Variants in UBALD1 observed in about 807,000 individuals in gnomAD.
UBALD1 encodes UBA-like domain-containing protein 1.
UBALD1 carries 5 observed loss-of-function variants against 16.1 expected under a neutral mutation model. The ratio of observed to expected loss-of-function variants is 0.31; its 90% confidence interval spans 0.16 to 0.66. UBALD1 has a LOEUF of 0.66. Ranked by LOEUF, UBALD1 falls within the 30% of genes least tolerant of loss-of-function variation. The pLI, the probability that UBALD1 is intolerant of heterozygous loss-of-function variation, is 0.77. For synonymous variants in UBALD1, 146 were observed against 105.3 expected, an observed-to-expected ratio of 1.39 and a Z score of -2.37; for missense variants, 220 against 252.8, an observed-to-expected ratio of 0.87 and a Z score of 0.88.
At position 4,609,784 on chromosome 16, in the gene UBALD1, G is replaced by C; in HGVS notation, c.383C>G (p.Ala128Gly). The C allele has an allele frequency of 6.7e-7, 1 of 1,500,126 alleles. No individual in the cohort carries two copies. Among genetic ancestry groups the C allele is most frequent in the African/African-American group, 1.4e-5 (1 of 70,746 alleles). The allele number at this position is 1,500,126 out of a possible 1,614,324, so 92.9% of individuals were successfully genotyped here. A position where few individuals can be genotyped will look rare whatever the true frequency, so the allele number is the denominator to read the frequency against. ...SSAASSWPTA[A>G]SPPGGPQHHQ... ...GTGCTGTGGGCCCCCCGGGGGCGAG[G>C]CCGCCGTGGGCCAGCTGGAGGCCGC... The change falls in exon 3 of 3, where the codon GCC becomes GGC. Residue 128 changes from alanine (A) to glycine (G), a missense_variant. Ala to Gly is a moderately conservative substitution (Grantham distance 60). This residue lies in a region of UBALD1 where 151 missense variants were observed against 132.6 expected (regional missense o/e 1.14). Coordinates refer to ENST00000283474, the MANE Select transcript of UBALD1 (RefSeq NM_145253.3).
intron 1 of UBALD1, among the ~76,000 whole-genome samples, chr16:4,612,352 G>T (rs919730801): frequency 1.3e-5 from 2 of 151,998 alleles, no homozygotes; most frequent in African/African-American, 2.4e-5. Context: ...ATGAACCACC[G>T]TGCCCGGCAA....
chr16:4,610,925 A>C, intron 1 of UBALD1: 1 of 414,478 alleles, frequency 2.4e-6, no homozygotes, highest in Non-Finnish European at 4.2e-6. Flanking sequence ...AGGTAGCCCA[A>C]CCAGACCTCC....
At chr16:4,611,285 C>G (rs1464328996) in intron 1 of UBALD1, 2 of 152,430 alleles carry the variant, frequency 1.3e-5, no homozygotes, top group African/African-American at 2.4e-5. Context: ...ACTCGCTTCC[C>G]CACCTGAGCC....
chr16:4,610,003 G>C lies in UBALD1; in HGVS notation c.184-20C>G, dbSNP rs1006300490. 1.3e-6 allele frequency: 2 copies of C among 1,532,050 alleles called. No individual in the cohort carries two copies. The highest frequency in any genetic ancestry group is 1.8e-6 in the Non-Finnish European group (2 of 1,122,370). 94.9% of individuals were successfully genotyped at this position (1,532,050 alleles called of 1,614,324 possible). A position where few individuals can be genotyped will look rare whatever the true frequency, so the allele number is the denominator to read the frequency against. ...GCACATCTGTGAGGGGAAGAGAGGA[G>C]AGATGGGGTGAGCACCCCTTCCTGG... On this transcript the variant is annotated intron_variant, in intron 2 of 2. Transcript: ENST00000283474.
rs1368503942 is a variant in UBALD1, at chr16:4,614,815, C to G, written c.-18G>C. ...ACGGACATGGCGCCGCCGCGCTGCC[C>G]GCTCCGGCCTCCCTCCTCCGCCCGC... On this transcript the variant is annotated 5_prime_UTR_variant, in exon 1 of 3. Transcript: ENST00000283474. The G allele has an allele frequency of 6.7e-7, 1 of 1,493,872 alleles. No homozygotes were observed. The highest frequency in any genetic ancestry group is 1.4e-5 in the African/African-American group (1 of 69,024). The allele number at this position is 1,493,872 out of a possible 1,614,324, so 92.5% of individuals were successfully genotyped here.
chr16:4,612,279 G>T (rs1028417748), intron 1 of UBALD1, among the ~76,000 whole-genome samples: 1 of 152,074 alleles, frequency 6.6e-6, no homozygotes, highest in African/African-American at 2.4e-5. Flanking sequence ...GGCCAGGATG[G>T]TCTTGATCTC....
At chr16:4,610,940 C>T (rs1017389345) in intron 1 of UBALD1, 6 of 405,882 alleles carry the variant, frequency 1.5e-5, no homozygotes, top group Non-Finnish European at 2.6e-5. Context: ...ACCTCCCCAC[C>T]CTGCCCCGTT....
intron 1 of UBALD1, chr16:4,614,284 C>G (rs1897394303): frequency 2.8e-6 from 1 of 356,684 alleles, no homozygotes. Flanking sequence ...ACCACTCGCC[C>G]GGAGCGGCTC....
At position 4,609,789 on chromosome 16, in the gene UBALD1, CGTGGGCCAGCTGGAGGCCGCA is replaced by C; in HGVS notation, c.357_377del (p.Ser123_Ser129del). ...GTGGGCCCCCCGGGGGCGAGGCCGC[CGTGGGCCAGCTGGAGGCCGCA>C]GAGCTGCTGGTGGCGGCATGGGGGA... On this transcript the variant is annotated inframe_deletion, in exon 3 of 3. Coordinates refer to ENST00000283474, the MANE Select transcript of UBALD1 (RefSeq NM_145253.3). 6.7e-7 allele frequency: 1 copy of C among 1,501,770 alleles called. No individual in the cohort carries two copies. The highest frequency in any genetic ancestry group is 2.4e-5 in the East Asian group (1 of 42,072). The allele number at this position is 1,501,770 out of a possible 1,614,324, so 93.0% of individuals were successfully genotyped here.
In UBALD1 at chr16:4,609,532, A is replaced by AC; in HGVS notation, c.*100_*101insG. On this transcript the variant is annotated 3_prime_UTR_variant, in exon 3 of 3. Coordinates refer to ENST00000283474, the MANE Select transcript of UBALD1 (RefSeq NM_145253.3). ...CGCTCTCCCCTCCAGGGCTCCGGGG[A>AC]ACAAGGGGTGCAGACAGAAAAGGGG... 2.0e-6 allele frequency: 1 copy of AC among 504,954 alleles called. No homozygotes were observed. The highest frequency in any genetic ancestry group is 4.0e-5 in the Admixed American group (1 of 25,060). The allele number at this position is 504,954 out of a possible 1,614,324, so 31.3% of individuals were successfully genotyped here. A position where few individuals can be genotyped will look rare whatever the true frequency, so the allele number is the denominator to read the frequency against.
chr16:4,609,755 G>T lies in UBALD1; in HGVS notation c.412C>A (p.Gln138Lys). 1 of 1,505,578 alleles carries T rather than the reference G, an allele frequency of 6.6e-7. No homozygotes were observed. 93.3% of individuals were successfully genotyped at this position (1,505,578 alleles called of 1,614,324 possible). ...GGAGTCCACAGGGGCGGCTGTGGCTGGTGGTGCTGTGGGCCCCCCGGGGGC... is the reference window on the plus strand; with the variant it reads ...GGAGTCCACAGGGGCGGCTGTGGCTTGTGGTGCTGTGGGCCCCCCGGGGGC... Reference protein sequence around the residue: ...ASPPGGPQHHQPQPPLWTPTP... With the variant: ...ASPPGGPQHHKPQPPLWTPTP... The change falls in exon 3 of 3, where the codon CAG (glutamine) becomes AAG (lysine). Residue 138 changes from glutamine (Q) to lysine (K), a missense_variant. By Grantham distance (53) the Gln-to-Lys change is moderately conservative (BLOSUM62 1). Coordinates refer to ENST00000283474, the MANE Select transcript of UBALD1 (RefSeq NM_145253.3).
chr16:4,612,823 G>A (rs765715129), intron 1 of UBALD1, among the ~76,000 whole-genome samples: 2 of 152,024 alleles, frequency 1.3e-5, no homozygotes, highest in Admixed American at 6.5e-5. Flanking sequence ...CCTCCCTGGC[G>A]GCCCCCACTT....
chr16:4,610,292 C>T (rs1313922503), intron 2 of UBALD1: 1 of 718,154 alleles, frequency 1.4e-6, no homozygotes, highest in Non-Finnish European at 2.5e-6. Context: ...GCCAGCGCCC[C>T]CCAGGTCTCA....
chr16:4,612,952 C>G (rs1189450065), intron 1 of UBALD1, among the ~76,000 whole-genome samples: 10 of 152,250 alleles, frequency 6.6e-5, no homozygotes, highest in Admixed American at 4.6e-4. Context: ...TTTCCCCAGA[C>G]ATTGCACTCC....
chr16:4,613,689 G>A (rs1381416634), intron 1 of UBALD1, among the ~76,000 whole-genome samples: 1 of 152,180 alleles, frequency 6.6e-6, no homozygotes, highest in Non-Finnish European at 1.5e-5. Context: ...CTCATCCCCT[G>A]ATACCAACCA....
chr16:4,609,625 G>C lies in UBALD1; in HGVS notation c.*8C>G. ...GTCCTGGCCTCCGGGAGGGGGGAGGGGCCTCCCTTATCTCTCTGCCTCCAT... is the reference window on the plus strand; with the variant it reads ...GTCCTGGCCTCCGGGAGGGGGGAGGCGCCTCCCTTATCTCTCTGCCTCCAT... On this transcript the variant is annotated 3_prime_UTR_variant, in exon 3 of 3. Transcript: ENST00000283474. 7.7e-7 allele frequency: 1 copy of C among 1,295,102 alleles called. No individual in the cohort carries two copies. The highest frequency in any genetic ancestry group is 2.1e-5 in the South Asian group (1 of 47,164). The allele number at this position is 1,295,102 out of a possible 1,614,324, so 80.2% of individuals were successfully genotyped here. A position where few individuals can be genotyped will look rare whatever the true frequency, so the allele number is the denominator to read the frequency against.
At chr16:4,611,058 T>G (rs181175352) in intron 1 of UBALD1, 1 of 213,126 alleles carries the variant, frequency 4.7e-6, no homozygotes, top group African/African-American at 2.3e-5. Context: ...TGAAGGAGTC[T>G]GAGCCTGGTG....
chr16:4,612,097 G>C (rs1374125777), intron 1 of UBALD1, among the ~76,000 whole-genome samples: 3 of 142,742 alleles, frequency 2.1e-5, no homozygotes, highest in African/African-American at 7.8e-5. Context: ...ACGGAGTCTC[G>C]CTCTGTCACC....
At chr16:4,610,269 C>T (rs1168739383) in intron 2 of UBALD1, 3 of 715,230 alleles carry the variant, frequency 4.2e-6, no homozygotes, top group Non-Finnish European at 5.0e-6. Context: ...TAAGGAGCTT[C>T]ATTGCCCCAG....
Sources: gnomAD v4.1 joint callset for allele counts (sites outside exome capture counted in the v4.1 genomes callset) on GRCh38, gnomAD v4.1.1 for gene constraint, gnomAD v4.1.1 regional missense constraint, MANE v1.5 for transcripts, NCBI Gene and HGNC (gene_info 2026-07-23, HGNC 2026-07-21) for gene names.